The following MYO16 variants were observed in gnomAD, a reference collection of about 807,000 sequenced individuals.
MYO16 encodes the protein myosin XVI.
Under a neutral mutation model 205.3 loss-of-function variants are expected in MYO16, and 94 were observed. The observed-to-expected ratio is 0.46, with a 90% CI of 0.39 to 0.54. The LOEUF (loss-of-function observed/expected upper bound fraction) is 0.54. Ranked by LOEUF, MYO16 falls within the 20% of genes least tolerant of loss-of-function variation. MYO16 has a pLI of 0.00. For missense variants in MYO16, 2,315 were observed against 2,387.5 expected (o/e 0.97, Z 0.63); for synonymous variants, 988 against 954.0 (o/e 1.04, Z -0.66).
chr13:108,915,653 C>T (rs1168068477), intron 16 of MYO16, among the ~76,000 whole-genome samples: 1 of 152,156 alleles, frequency 6.6e-6, no homozygotes. Context: ...CTTCAGCATA[C>T]TTTAAATAGC....
intron 16 of MYO16, among the ~76,000 whole-genome samples, chr13:108,952,237 C>G: frequency 6.6e-6 from 1 of 151,830 alleles, no homozygotes; most frequent in East Asian, 1.9e-4. Context: ...TGTTTTTATC[C>G]TTTTTCTGTA....
At chr13:108,984,089 A>T (rs767505483) in intron 20 of MYO16, among the ~76,000 whole-genome samples, 3 of 152,192 alleles carry the variant, frequency 2.0e-5, no homozygotes, top group African/African-American at 7.2e-5. Context: ...ACTCTGCTCT[A>T]TCACAAAACT....
the MYO16 span, among the ~76,000 whole-genome samples, chr13:108,508,393 G>T: frequency 6.6e-6 from 1 of 152,286 alleles, no homozygotes; most frequent in African/African-American, 2.4e-5. Flanking sequence ...GCTAGTATGT[G>T]TAATTTTCCA....
intron 12 of MYO16, among the ~76,000 whole-genome samples, chr13:108,867,508 C>T (rs2139128185): frequency 6.6e-6 from 1 of 152,298 alleles, no homozygotes; most frequent in South Asian, 2.1e-4. Flanking sequence ...TGTGTGTGAG[C>T]ATGAGACGCT....
At chr13:108,908,479 T>G (rs1304322143) in intron 15 of MYO16, among the ~76,000 whole-genome samples, 2 of 152,242 alleles carry the variant, frequency 1.3e-5, no homozygotes, top group Non-Finnish European at 2.9e-5. Context: ...ATCACATTTT[T>G]GCTTTTAGTG....
chr13:109,159,038 A>G (rs970611658), intron 32 of MYO16, among the ~76,000 whole-genome samples: 3 of 152,164 alleles, frequency 2.0e-5, no homozygotes, highest in African/African-American at 7.2e-5. Flanking sequence ...GATATTACAG[A>G]TTGTAAAGCA....
chr13:108,584,248 A>T, the MYO16 span, among the ~76,000 whole-genome samples: 1 of 152,182 alleles, frequency 6.6e-6, no homozygotes, highest in African/African-American at 2.4e-5. Context: ...CACCGCACCC[A>T]GCCTAAAGTA....
At chr13:108,525,757 G>A in the MYO16 span, among the ~76,000 whole-genome samples, 1 of 152,154 alleles carries the variant, frequency 6.6e-6, no homozygotes, top group Non-Finnish European at 1.5e-5. Context: ...GGTTTCACGA[G>A]AATCCTAAAA....
At chr13:109,090,953 C>G (rs1464972874) in intron 27 of MYO16, among the ~76,000 whole-genome samples, 1 of 152,090 alleles carries the variant, frequency 6.6e-6, no homozygotes, top group African/African-American at 2.4e-5. Flanking sequence ...TCATACTTCT[C>G]TCTGTTTTCT....
intron 4 of MYO16, among the ~76,000 whole-genome samples, chr13:108,761,464 C>G (rs1448941761): frequency 9.6e-6 from 1 of 104,434 alleles, no homozygotes; most frequent in African/African-American, 3.2e-5. Flanking sequence ...AGAAGGAACA[C>G]CTGTTATCAT....
chr13:109,206,218 G>A (rs924174653), intron 34 of MYO16, among the ~76,000 whole-genome samples: 1 of 152,168 alleles, frequency 6.6e-6, no homozygotes, highest in Admixed American at 6.5e-5. Flanking sequence ...ATGGAGTGAC[G>A]CTTGAGGAAG....
At chr13:108,711,973 C>T (rs1025929080) in intron 2 of MYO16, among the ~76,000 whole-genome samples, 1 of 152,156 alleles carries the variant, frequency 6.6e-6, no homozygotes, top group African/African-American at 2.4e-5. Context: ...TGTCTTATAG[C>T]TTCATTTTAA....
chr13:108,628,318 A>G (rs999717201), upstream of MYO16, among the ~76,000 whole-genome samples: 1 of 152,178 alleles, frequency 6.6e-6, no homozygotes, highest in Non-Finnish European at 1.5e-5. Context: ...TTTTTGGAAA[A>G]GCCAAGTTAA....
intron 2 of MYO16, among the ~76,000 whole-genome samples, chr13:108,708,654 T>C (rs1313807852): frequency 6.6e-6 from 1 of 152,366 alleles, no homozygotes; most frequent in East Asian, 1.9e-4. Context: ...TTTCCTCTGT[T>C]GATGTTAAAT....
chr13:108,659,871 A>G (rs1329910038), intron 1 of MYO16, among the ~76,000 whole-genome samples: 1 of 152,212 alleles, frequency 6.6e-6, no homozygotes, highest in Non-Finnish European at 1.5e-5. Context: ...ATAAGAAAAT[A>G]TATAGAATTG....
At chr13:109,099,684 G>A (rs2139709217) in intron 27 of MYO16, among the ~76,000 whole-genome samples, 1 of 152,264 alleles carries the variant, frequency 6.6e-6, no homozygotes, top group Middle Eastern at 3.4e-3. Context: ...GCACATGTGA[G>A]CCCTCGTTTA....
intron 1 of MYO16, among the ~76,000 whole-genome samples, chr13:108,644,408 CTA>C (rs1880656971): frequency 7.1e-6 from 1 of 141,224 alleles, no homozygotes; most frequent in Non-Finnish European, 1.6e-5. Flanking sequence ...ATCTATCTAT[CTA>C]TCTATCATCT....
At chr13:108,885,660 C>T (rs1330926401) in intron 13 of MYO16, among the ~76,000 whole-genome samples, 1 of 152,174 alleles carries the variant, frequency 6.6e-6, no homozygotes, top group East Asian at 1.9e-4. Flanking sequence ...CTGCCAGACC[C>T]TTGACTAGAT....
At chr13:108,899,582 C>T (rs144570813) in intron 15 of MYO16, among the ~76,000 whole-genome samples, 119 of 152,274 alleles carry the variant, frequency 7.8e-4, no homozygotes, top group African/African-American at 2.4e-3. Flanking sequence ...AAGACCTCAT[C>T]GGAGAACTGT....
Sources: allele counts gnomAD v4.1 joint callset (sites outside exome capture counted in the v4.1 genomes callset), GRCh38; gene constraint gnomAD v4.1.1; transcripts MANE v1.5; gene names NCBI Gene and HGNC (gene_info 2026-07-23, HGNC 2026-07-21).